FANCL: variants seen among roughly 807,000 people sequenced by gnomAD.
FANCL encodes E3 ubiquitin-protein ligase FANCL.
Under a neutral mutation model 59.4 loss-of-function variants are expected in FANCL, and 69 were observed. The ratio of observed to expected loss-of-function variants is 1.16; its 90% CI spans 0.96 to 1.42. The LOEUF (loss-of-function observed/expected upper bound fraction) is 1.42. Among genes scored for constraint, FANCL ranks in the 40% most tolerant of loss-of-function variants. The probability of loss-of-function intolerance (pLI) is 0.00; values close to 1 mark genes in which losing one functional copy is unlikely to be tolerated. For missense variants in FANCL, 519 were observed against 447.2 expected, an observed-to-expected ratio of 1.16 and a Z score of -1.45; for synonymous variants, 180 against 147.1, an observed-to-expected ratio of 1.22 and a Z score of -1.62.
chr2:58,217,235 CACACACACAT>C (rs1203612151), intron 5 of FANCL, among the ~76,000 whole-genome samples: 60 of 81,484 alleles, frequency 7.4e-4, no homozygotes, highest in Non-Finnish European at 1.1e-3. Flanking sequence ...CACACACACA[CACACACACAT>C]ATATATGTTT....
intron 5 of FANCL, among the ~76,000 whole-genome samples, chr2:58,214,810 G>A (rs959462501): frequency 6.6e-6 from 1 of 152,020 alleles, no homozygotes; most frequent in Non-Finnish European, 1.5e-5. Context: ...ACCACACCTG[G>A]CCCATGAGGA....
intron 6 of FANCL, among the ~76,000 whole-genome samples, chr2:58,200,319 T>A (rs1689870005): frequency 6.6e-6 from 1 of 152,084 alleles, no homozygotes; most frequent in South Asian, 2.1e-4. Flanking sequence ...CTAAGTTGTA[T>A]GATCCTGAAC....
Position 58,232,101 on chromosome 2 carries a change from G to C in FANCL, c.108C>G (p.Phe36Leu), listed in dbSNP as rs149726602. 6.1e-4 allele frequency: 984 copies of C among 1,613,084 alleles called. 13 individuals carry two copies. In the South Asian group the frequency reaches 7.9e-3, roughly 13 times the overall value. ...CTTCAGGCAACACTATCCTAAGGTG[G>C]AAGTCTCTTCCCTGTGGAAAATATT... is the stretch of plus-strand genomic sequence containing the variant. ...EGFISAQGRD[F>L]HLRIVLPEDL... Residue 36 changes from phenylalanine (F) to leucine (L), a missense_variant, in exon 2 of 14, where the codon TTC becomes TTG. By Grantham distance (22) the Phe-to-Leu change is conservative. Coordinates refer to ENST00000233741, the MANE Select transcript of FANCL (RefSeq NM_018062.4).
chr2:58,212,709 A>G (rs2105213024), intron 5 of FANCL, among the ~76,000 whole-genome samples: 1 of 152,320 alleles, frequency 6.6e-6, no homozygotes, highest in East Asian at 1.9e-4. Flanking sequence ...GAAACCCACC[A>G]AGACATCATT....
chr2:58,198,644 C>A lies in FANCL; in HGVS notation c.490G>T (p.Asp164Tyr). ...GGAACAGGAAAATCCACAAAATAAT[C>A]TGGTGATTCTGCAGGATACTATTAA... ...LKAKYPAESP[D>Y]YFVDFPVPFC... is the part of the protein sequence containing the mutation. Residue 164 changes from aspartate (D) to tyrosine (Y), a missense_variant, in exon 7 of 14, where the codon GAT becomes TAT. Physicochemically the swap from Asp to Tyr is radical, Grantham distance 160. Coordinates refer to ENST00000233741, the MANE Select transcript of FANCL (RefSeq NM_018062.4). The A allele has an allele frequency of 6.2e-7, 1 of 1,613,726 alleles. No individual in the cohort carries two copies. The highest frequency in any genetic ancestry group is 8.5e-7 in the Non-Finnish European group (1 of 1,179,688).
chr2:58,227,475 G>A (rs770999604), intron 3 of FANCL, among the ~76,000 whole-genome samples: 5 of 152,140 alleles, frequency 3.3e-5, no homozygotes, highest in African/African-American at 4.8e-5. Context: ...TTCCCCTGGC[G>A]TCGGGTTGCT....
chr2:58,226,736 T>C lies in FANCL; in HGVS notation c.265A>G (p.Met89Val). ...AAAAAAAAAATTCTTACCAAAAGCA[T>C]CTTCAACTCCATCATAAAGCTCATT... is the stretch of plus-strand genomic sequence containing the variant. ...DLMSFMMELKMLLEVALKNRQ... is the reference protein window; with the variant it reads ...DLMSFMMELKVLLEVALKNRQ... Residue 89 changes from methionine (M) to valine (V), a missense_variant, in exon 4 of 14, where the codon ATG (methionine) becomes GTG (valine). By Grantham distance (21) the Met-to-Val change is conservative. Transcript: ENST00000233741. 6.2e-7 allele frequency: 1 copy of C among 1,612,700 alleles called. No homozygotes were observed. The highest frequency in any genetic ancestry group is 8.5e-7 in the Non-Finnish European group (1 of 1,179,192).
chr2:58,212,716 C>A (rs906128838), intron 5 of FANCL, among the ~76,000 whole-genome samples: 2 of 152,074 alleles, frequency 1.3e-5, no homozygotes, highest in Non-Finnish European at 2.9e-5. Context: ...ACCAAGACAT[C>A]ATTTTGTATC....
chr2:58,207,685 G>A (rs559566898), intron 5 of FANCL, among the ~76,000 whole-genome samples: 1 of 152,236 alleles, frequency 6.6e-6, no homozygotes, highest in South Asian at 2.1e-4. Context: ...ATATCTTGGT[G>A]TTTGGTGTAT....
chr2:58,175,029 T>C (rs187275051), intron 7 of FANCL, among the ~76,000 whole-genome samples: 6 of 151,442 alleles, frequency 4.0e-5, no homozygotes, highest in African/African-American at 1.5e-4. Context: ...AACTAGAAAA[T>C]CTAGAAGAAA....
intron 4 of FANCL, among the ~76,000 whole-genome samples, chr2:58,226,502 G>C (rs1270722326): frequency 2.0e-5 from 3 of 152,070 alleles, no homozygotes; most frequent in Non-Finnish European, 4.4e-5. Flanking sequence ...CTAGTGTCAA[G>C]AATACCTAGT....
chr2:58,225,423 G>T (rs1453511797), intron 4 of FANCL, among the ~76,000 whole-genome samples: 1 of 151,900 alleles, frequency 6.6e-6, no homozygotes, highest in Non-Finnish European at 1.5e-5. Context: ...TGCAGATGAT[G>T]GAATTTTTAA....
rs1347463843 is a variant in FANCL, at chr2:58,241,277, G to C, written c.37C>G (p.Pro13Ala). 2 of 1,614,230 alleles carry C rather than the reference G, an allele frequency of 1.2e-6. No homozygotes were observed. Among genetic ancestry groups the C allele is most frequent in the African/African-American group, 2.7e-5 (2 of 75,060 alleles). The change falls in exon 1 of 14, where the codon CCC (proline) becomes GCC (alanine). Residue 13 changes from proline (P) to alanine (A), a missense_variant. Pro to Ala is a conservative substitution (Grantham distance 27). Coordinates refer to ENST00000233741, the MANE Select transcript of FANCL (RefSeq NM_018062.4). ...GACCGGTTCTGGGGCAGAAGCAGGG[G>C]GCACTGGCGCAACAGGCTCGCTTCC... ...VTEASLLRQC[P>A]LLLPQNRSKT... is the part of the protein sequence containing the mutation.
intron 7 of FANCL, among the ~76,000 whole-genome samples, chr2:58,189,737 A>G (rs1234905162): frequency 3.3e-5 from 5 of 152,076 alleles, no homozygotes; most frequent in African/African-American, 9.7e-5. Context: ...TTAGAGTATA[A>G]TATCTTCATC....
At chr2:58,171,543 T>G (rs762159653) in intron 7 of FANCL, among the ~76,000 whole-genome samples, 27 of 151,758 alleles carry the variant, frequency 1.8e-4, no homozygotes, top group South Asian at 4.2e-4. Flanking sequence ...CTGAAGGAGA[T>G]AGAGACACGA....
Position 58,159,430 on chromosome 2 carries a change from T to G in FANCL, c.*335A>C. The stretch of plus-strand genomic sequence containing the variant: ...AAACAGTTTCCCACAAAAAATCAGC[T>G]ATACACAATTCCCAAACTCATTTTA... On this transcript the variant is annotated 3_prime_UTR_variant, in exon 14 of 14. Coordinates refer to ENST00000233741, the MANE Select transcript of FANCL (RefSeq NM_018062.4). 1 of 1,613,628 alleles carries G rather than the reference T, an allele frequency of 6.2e-7. No individual in the cohort carries two copies. The highest frequency in any genetic ancestry group is 1.1e-5 in the South Asian group (1 of 91,050).
intron 1 of FANCL, among the ~76,000 whole-genome samples, chr2:58,237,686 G>A (rs1025777531): frequency 3.3e-5 from 5 of 152,016 alleles, no homozygotes; most frequent in African/African-American, 9.7e-5. Context: ...GAAAAAATGA[G>A]ACATAAATTA....
chr2:58,164,699 T>C (rs1187352052), intron 8 of FANCL, among the ~76,000 whole-genome samples: 1 of 152,014 alleles, frequency 6.6e-6, no homozygotes, highest in Non-Finnish European at 1.5e-5. Flanking sequence ...ATTACTTTAA[T>C]GGGGCCACGA....
chr2:58,231,485 C>T (rs1693573604), intron 2 of FANCL, among the ~76,000 whole-genome samples: 1 of 152,166 alleles, frequency 6.6e-6, no homozygotes, highest in Admixed American at 6.5e-5. Context: ...CTCTTAACTA[C>T]ACTTCTGTTG....
Sources: allele counts gnomAD v4.1 joint callset (sites outside exome capture counted in the v4.1 genomes callset), GRCh38; gene constraint gnomAD v4.1.1; transcripts MANE v1.5; gene names NCBI Gene and HGNC (gene_info 2026-07-23, HGNC 2026-07-21).